The following DOCK10 variants were observed in gnomAD, a reference collection of about 807,000 sequenced individuals.
The protein encoded by DOCK10 is dedicator of cytokinesis 10, also known as dedicator of cytokinesis protein 10.
In DOCK10, 145 loss-of-function variants were observed where a neutral mutation model predicts 280.1. The observed-to-expected ratio is 0.52, with a 90% CI of 0.45 to 0.59. The LOEUF is 0.59. DOCK10 is among the 20% of genes least tolerant of loss of function. DOCK10 has a pLI of 0.00. For missense variants in DOCK10, 2,368 were observed against 2,651.7 expected, an observed-to-expected ratio of 0.89 and a Z score of 2.35; for synonymous variants, 915 against 942.2, an observed-to-expected ratio of 0.97 and a Z score of 0.53.
intron 1 of DOCK10, among the ~76,000 whole-genome samples, chr2:224,987,418 C>T (rs755028994): frequency 2.4e-4 from 37 of 152,274 alleles, no homozygotes; most frequent in Admixed American, 1.6e-3. Flanking sequence ...GGATAACTGC[C>T]CTTGGACCCT....
chr2:224,796,900 T>C (rs1692617635), intron 43 of DOCK10, 64 bp downstream of exon 43: 1 of 1,487,810 alleles, frequency 6.7e-7, no homozygotes, highest in Admixed American at 1.8e-5. Context: ...CAGTAGGCTT[T>C]AAGCACTGCT....
chr2:225,030,602 C>T (rs1234537794), intron 1 of DOCK10, among the ~76,000 whole-genome samples: 3 of 152,172 alleles, frequency 2.0e-5, no homozygotes, highest in Non-Finnish European at 4.4e-5. Context: ...AGGACAGGGG[C>T]TGGTGTTGGA....
At chr2:224,813,561 G>C (rs1693926522) in intron 31 of DOCK10, among the ~76,000 whole-genome samples, 1 of 152,220 alleles carries the variant, frequency 6.6e-6, no homozygotes, top group Non-Finnish European at 1.5e-5. Context: ...TATACAACCT[G>C]CTGTCTGCTA....
chr2:224,915,326 A>G (rs1701246980), intron 3 of DOCK10, among the ~76,000 whole-genome samples: 1 of 152,256 alleles, frequency 6.6e-6, no homozygotes, highest in South Asian at 2.1e-4. Context: ...TCATACTGAT[A>G]TCACACACTA....
intron 7 of DOCK10, among the ~76,000 whole-genome samples, chr2:224,884,202 T>C (rs1365019166): frequency 2.6e-5 from 4 of 152,200 alleles, no homozygotes; most frequent in Admixed American, 6.5e-5. Flanking sequence ...AGTTCAGCTT[T>C]ATTACTTCCT....
chr2:224,798,460 A>G (rs1270126475), intron 41 of DOCK10, among the ~76,000 whole-genome samples: 1 of 152,138 alleles, frequency 6.6e-6, no homozygotes, highest in Non-Finnish European at 1.5e-5. Flanking sequence ...GCACTAGTAA[A>G]ATCCTTAAAA....
At chr2:225,013,299 A>T (rs937079939) in intron 1 of DOCK10, among the ~76,000 whole-genome samples, 1 of 152,202 alleles carries the variant, frequency 6.6e-6, no homozygotes, top group Non-Finnish European at 1.5e-5. Context: ...TTGGATGACA[A>T]GCATCATCAA....
intron 53 of DOCK10, among the ~76,000 whole-genome samples, chr2:224,772,229 C>T (rs1470374830): frequency 1.3e-5 from 2 of 152,110 alleles, no homozygotes; most frequent in Non-Finnish European, 2.9e-5. Context: ...ACTTCTTTGG[C>T]TTTTAGGGTC....
At chr2:224,950,252 C>G (rs1238871247) in intron 1 of DOCK10, among the ~76,000 whole-genome samples, 1 of 152,066 alleles carries the variant, frequency 6.6e-6, no homozygotes, top group Non-Finnish European at 1.5e-5. Flanking sequence ...CCATACATTT[C>G]AGGGAAATTA....
intron 2 of DOCK10, among the ~76,000 whole-genome samples, chr2:224,919,529 GGT>G (rs1701570032): frequency 6.6e-6 from 1 of 151,012 alleles, no homozygotes; most frequent in East Asian, 2.0e-4. Flanking sequence ...GAATGTGTGT[GGT>G]GTGTCTGGTA....
At chr2:224,880,456 A>G (rs2125718667) in intron 7 of DOCK10, among the ~76,000 whole-genome samples, 1 of 152,332 alleles carries the variant, frequency 6.6e-6, no homozygotes, top group African/African-American at 2.4e-5. Flanking sequence ...GGAAGTTTTA[A>G]TAATTTTGAA....
At chr2:225,036,774 G>A (rs1690270916) in intron 1 of DOCK10, among the ~76,000 whole-genome samples, 1 of 152,174 alleles carries the variant, frequency 6.6e-6, no homozygotes, top group East Asian at 1.9e-4. Context: ...TCTCATGGCT[G>A]ATGGTGTTTT....
chr2:224,943,732 G>T (rs1703224191), intron 1 of DOCK10, among the ~76,000 whole-genome samples: 1 of 150,612 alleles, frequency 6.6e-6, no homozygotes, highest in Non-Finnish European at 1.5e-5. Context: ...CCAGTCTAGG[G>T]ATGTTGGTTT....
At chr2:224,886,705 A>G (rs1458278451) in intron 4 of DOCK10, among the ~76,000 whole-genome samples, 174 bp from the exon 5 acceptor site, 1 of 152,124 alleles carries the variant, frequency 6.6e-6, no homozygotes, top group African/African-American at 2.4e-5. Flanking sequence ...TTCCTCTGCC[A>G]TGATATCTTA....
intron 40 of DOCK10, 145 bp downstream of exon 40, chr2:224,801,771 C>T: frequency 2.3e-6 from 2 of 864,110 alleles, no homozygotes; most frequent in South Asian, 1.8e-5. Flanking sequence ...TTTTTTTAAC[C>T]ACTCCCTGGT....
At position 225,042,220 on chromosome 2, in the gene DOCK10, G is replaced by T; in HGVS notation, c.123+32C>A. On this transcript the variant is annotated intron_variant, in intron 1 of 55. Coordinates refer to ENST00000258390, the MANE Select transcript of DOCK10 (RefSeq NM_014689.3). The surrounding 1 kb of genome is among the most constrained non-coding windows in gnomAD (Gnocchi z 5.1). Reference sequence around the variant, plus strand: ...CGTTCCCCCCGGGCGCCTGGGGCGCGCGGGAAGGCGCGGAGGACGCGCCGC... The same window carrying T: ...CGTTCCCCCCGGGCGCCTGGGGCGCTCGGGAAGGCGCGGAGGACGCGCCGC... 8.1e-7 allele frequency: 1 copy of T among 1,237,550 alleles called. No individual in the cohort carries two copies. Among genetic ancestry groups the T allele is most frequent in the Non-Finnish European group, 1.0e-6 (1 of 991,680 alleles). 76.7% of individuals were successfully genotyped at this position (1,237,550 alleles called of 1,614,324 possible).
At chr2:224,939,945 A>C (rs1349820681) in intron 1 of DOCK10, among the ~76,000 whole-genome samples, 1 of 152,120 alleles carries the variant, frequency 6.6e-6, no homozygotes, top group South Asian at 2.1e-4. Flanking sequence ...TGTGGCACTC[A>C]TCCTACTTTC....
chr2:224,816,154 G>A (rs559926631), intron 30 of DOCK10, among the ~76,000 whole-genome samples: 2 of 150,670 alleles, frequency 1.3e-5, no homozygotes, highest in Non-Finnish European at 3.0e-5. Flanking sequence ...TTTGCATCTT[G>A]ATATTTGATT....
intron 48 of DOCK10, 56 bp downstream of exon 48, chr2:224,789,008 A>G (rs2125090136): frequency 9.2e-7 from 1 of 1,091,930 alleles, no homozygotes. Context: ...GCTTAATGTC[A>G]CAAGCCAATG....
Sources: allele counts gnomAD v4.1 joint callset (sites outside exome capture counted in the v4.1 genomes callset), GRCh38; gene constraint gnomAD v4.1.1; non-coding constraint Gnocchi (gnomAD v3.1); transcripts MANE v1.5; gene names NCBI Gene and HGNC (gene_info 2026-07-23, HGNC 2026-07-21).